The following C12orf42 variants were observed in gnomAD, a reference collection of about 807,000 sequenced individuals.
The protein encoded by C12orf42 is uncharacterized protein C12orf42.
In C12orf42, 25 loss-of-function variants were observed where a neutral mutation model predicts 21.6. The observed-to-expected ratio is 1.16, with a 90% CI of 0.84 to 1.62. The LOEUF (loss-of-function observed/expected upper bound fraction) is 1.62. Ranked by LOEUF, C12orf42 falls within the 40% of genes most tolerant of loss-of-function variation. The pLI, the probability that C12orf42 is intolerant of heterozygous loss-of-function variation, is 0.00. For synonymous variants in C12orf42, 174 were observed against 175.0 expected, an observed-to-expected ratio of 0.99 and a Z score of 0.05; for missense variants, 483 against 459.3, an observed-to-expected ratio of 1.05 and a Z score of -0.47.
chr12:103,469,375 C>A (rs1195867756), intron 2 of C12orf42, among the ~76,000 whole-genome samples: 2 of 152,186 alleles, frequency 1.3e-5, no homozygotes, highest in African/African-American at 4.8e-5. Flanking sequence ...AACAGAAAGA[C>A]CTCCAAATGG....
At chr12:103,421,910 T>C (rs1306671524) in intron 2 of C12orf42, among the ~76,000 whole-genome samples, 2 of 152,196 alleles carry the variant, frequency 1.3e-5, no homozygotes, top group Non-Finnish European at 2.9e-5. Flanking sequence ...CCTGGTTACA[T>C]TCATGCTCCA....
the C12orf42 span, among the ~76,000 whole-genome samples, chr12:103,520,538 A>ACAACAACAC: frequency 6.6e-6 from 1 of 151,952 alleles, no homozygotes; most frequent in African/African-American, 2.4e-5. Context: ...AACAACAACA[A>ACAACAACAC]CAACAACAAC....
chr12:103,239,738 A>C lies in C12orf42; in HGVS notation c.*1367-1836T>G, dbSNP rs549003108. On this transcript the variant is annotated intron_variant and NMD_transcript_variant, in intron 10 of 10. Coordinates refer to the C12orf42 transcript ENST00000547347. ...TTCCCTTGGAAGTGGGTGTGCATGA[A>C]TAGGTATTGAGACTTAGTCTACTCA... 5.9e-5 allele frequency among the ~76,000 whole-genome samples: 9 copies of C among 152,200 alleles called. No homozygotes were observed. In the South Asian group the frequency reaches 1.9e-3, roughly 32 times the overall value.
the C12orf42 span, among the ~76,000 whole-genome samples, chr12:103,109,626 TG>T: frequency 6.7e-6 from 1 of 149,322 alleles, no homozygotes; most frequent in Admixed American, 6.7e-5. Context: ...ATATAATTTC[TG>T]AAAAATAATA....
chr12:103,107,711 T>C, the C12orf42 span, among the ~76,000 whole-genome samples: 2 of 151,606 alleles, frequency 1.3e-5, no homozygotes, highest in African/African-American at 4.8e-5. Flanking sequence ...AATAACATTG[T>C]AAATCTACAG....
the C12orf42 span, among the ~76,000 whole-genome samples, chr12:103,119,558 T>C: frequency 6.6e-6 from 1 of 152,098 alleles, no homozygotes; most frequent in Non-Finnish European, 1.5e-5. Flanking sequence ...ATCTGGCAGA[T>C]CAAGATAACT....
At chr12:103,193,897 C>T in the C12orf42 span, among the ~76,000 whole-genome samples, 1 of 152,090 alleles carries the variant, frequency 6.6e-6, no homozygotes, top group African/African-American at 2.4e-5. Flanking sequence ...AGGCCATTAT[C>T]CTTGATGAAC....
chr12:103,485,232 C>T (rs1015976630), intron 1 of C12orf42, among the ~76,000 whole-genome samples: 4 of 152,174 alleles, frequency 2.6e-5, no homozygotes, highest in Non-Finnish European at 5.9e-5. Flanking sequence ...ATAGGGAATA[C>T]TTTCCCCATT....
the C12orf42 span, among the ~76,000 whole-genome samples, chr12:103,517,758 C>T: frequency 1.3e-5 from 2 of 152,092 alleles, no homozygotes; most frequent in Admixed American, 1.3e-4. Context: ...ATCAACCTCC[C>T]ATCTCCAGCA....
chr12:103,048,413 G>A, the C12orf42 span, among the ~76,000 whole-genome samples: 90 of 152,022 alleles, frequency 5.9e-4, no homozygotes, highest in African/African-American at 2.1e-3. Flanking sequence ...CTACATGGGG[G>A]GATTCAACAC....
the C12orf42 span, among the ~76,000 whole-genome samples, chr12:103,120,578 T>G: frequency 2.0e-5 from 3 of 152,194 alleles, no homozygotes; most frequent in Middle Eastern, 3.4e-3. Flanking sequence ...CATAAATCTA[T>G]TTCTCCATGC....
At chr12:103,137,841 T>C in the C12orf42 span, among the ~76,000 whole-genome samples, 1 of 151,790 alleles carries the variant, frequency 6.6e-6, no homozygotes, top group Non-Finnish European at 1.5e-5. Flanking sequence ...AGGTAGAGAG[T>C]AGAATGATAG....
chr12:103,121,541 C>G, the C12orf42 span, among the ~76,000 whole-genome samples: 3 of 152,214 alleles, frequency 2.0e-5, no homozygotes, highest in African/African-American at 4.8e-5. Flanking sequence ...GAAGAATAGA[C>G]AGCATGCAGA....
At chr12:103,275,994 G>GC (rs1355993314) in intron 5 of C12orf42, among the ~76,000 whole-genome samples, 2 of 152,136 alleles carry the variant, frequency 1.3e-5, no homozygotes, top group Non-Finnish European at 2.9e-5. Flanking sequence ...GATCTCTTGA[G>GC]CCCAGGAGTT....
the C12orf42 span, among the ~76,000 whole-genome samples, chr12:103,148,327 C>T: frequency 6.6e-6 from 1 of 152,148 alleles, no homozygotes; most frequent in South Asian, 2.1e-4. Context: ...AATTTGACTT[C>T]GGTGTTACCA....
intron 2 of C12orf42, among the ~76,000 whole-genome samples, chr12:103,450,363 C>T (rs1054059013): frequency 7.2e-5 from 11 of 152,106 alleles, no homozygotes; most frequent in African/African-American, 2.2e-4. Flanking sequence ...TTAATCTCCT[C>T]TTGCTTTACT....
At chr12:103,255,974 A>G (rs948411102) in intron 10 of C12orf42, among the ~76,000 whole-genome samples, 1 of 142,226 alleles carries the variant, frequency 7.0e-6, no homozygotes, top group Non-Finnish European at 1.5e-5. Flanking sequence ...AATGGCGTGA[A>G]CCCGGGAGGT....
chr12:103,310,848 C>T (rs2038906321), intron 4 of C12orf42, among the ~76,000 whole-genome samples: 1 of 152,158 alleles, frequency 6.6e-6, no homozygotes, highest in South Asian at 2.1e-4. Context: ...TGCAGAGAAA[C>T]ATTTAGAATT....
At chr12:103,191,728 G>A in the C12orf42 span, among the ~76,000 whole-genome samples, 1 of 121,444 alleles carries the variant, frequency 8.2e-6, no homozygotes, top group Non-Finnish European at 1.7e-5. Flanking sequence ...GTGCAACAGA[G>A]TGGGACTCTG....
Sources: allele counts gnomAD v4.1 joint callset (sites outside exome capture counted in the v4.1 genomes callset), GRCh38; gene constraint gnomAD v4.1.1; transcripts MANE v1.5; gene names NCBI Gene and HGNC (gene_info 2026-07-23, HGNC 2026-07-21).